Variants in GRIA1 observed in about 807,000 individuals in gnomAD.
GRIA1 encodes glutamate ionotropic receptor AMPA type subunit 1.
Under a neutral mutation model 99.2 loss-of-function variants are expected in GRIA1, and 31 were observed. The ratio of observed to expected loss-of-function variants is 0.31; its 90% CI spans 0.23 to 0.42. The LOEUF (loss-of-function observed/expected upper bound fraction) is 0.42. GRIA1 is among the 10% of genes least tolerant of loss of function. The probability of loss-of-function intolerance (pLI) is 1.00; values close to 1 mark genes in which losing one functional copy is unlikely to be tolerated. For synonymous variants in GRIA1, 438 were observed against 432.4 expected (o/e 1.01, Z -0.16); for missense variants, 782 against 1,157.5 (o/e 0.68, Z 4.71).
At chr5:153,622,835 A>G (rs955113073) in intron 2 of GRIA1, among the ~76,000 whole-genome samples, 1 of 152,200 alleles carries the variant, frequency 6.6e-6, no homozygotes, top group Non-Finnish European at 1.5e-5. Context: ...CTCACACTTC[A>G]ATGAAGGGAA....
At chr5:153,613,081 G>A (rs754000630) in intron 2 of GRIA1, among the ~76,000 whole-genome samples, 29 of 152,198 alleles carry the variant, frequency 1.9e-4, no homozygotes, top group Admixed American at 6.5e-4. Flanking sequence ...TCTTGGAGTC[G>A]GTCCTTTTTG....
At chr5:153,597,934 C>T (rs1764565596) in intron 2 of GRIA1, among the ~76,000 whole-genome samples, 1 of 152,000 alleles carries the variant, frequency 6.6e-6, no homozygotes, top group Non-Finnish European at 1.5e-5. Flanking sequence ...ATTGCTTGAG[C>T]CTAGGAGGTC....
chr5:153,538,977 A>T (rs1758830603), intron 2 of GRIA1, among the ~76,000 whole-genome samples: 1 of 152,054 alleles, frequency 6.6e-6, no homozygotes, highest in Non-Finnish European at 1.5e-5. Context: ...TTCTTGAATT[A>T]TTTTCTGTCA....
intron 11 of GRIA1, among the ~76,000 whole-genome samples, chr5:153,721,129 A>G (rs1440562926): frequency 2.0e-5 from 3 of 152,184 alleles, no homozygotes; most frequent in African/African-American, 7.2e-5. Context: ...ATTTTACCAT[A>G]TATGTTACAA....
chr5:153,694,989 GAA>G (rs35041796), intron 8 of GRIA1, among the ~76,000 whole-genome samples: 2 of 146,380 alleles, frequency 1.4e-5, no homozygotes, highest in Non-Finnish European at 3.0e-5. Flanking sequence ...AAAGGGAAAA[GAA>G]AAAAAAAACC....
intron 3 of GRIA1, 39 bp from the exon 4 acceptor site, chr5:153,650,291 G>T: frequency 6.9e-7 from 1 of 1,452,354 alleles, no homozygotes. Flanking sequence ...CACAAATCCT[G>T]ACTGTCTGTC....
intron 2 of GRIA1, among the ~76,000 whole-genome samples, chr5:153,500,654 C>CAT (rs1754928492): frequency 1.6e-5 from 2 of 125,744 alleles, no homozygotes; most frequent in Non-Finnish European, 3.4e-5. Context: ...CACACACACA[C>CAT]ATTCAGAGGA....
chr5:153,686,018 G>T (rs1170992724), intron 7 of GRIA1, among the ~76,000 whole-genome samples: 1 of 152,184 alleles, frequency 6.6e-6, no homozygotes, highest in Non-Finnish European at 1.5e-5. Flanking sequence ...AAAAACAATT[G>T]TCAGGATGAA....
intron 5 of GRIA1, among the ~76,000 whole-genome samples, chr5:153,661,096 TG>T (rs1755338261): frequency 6.6e-6 from 1 of 152,214 alleles, no homozygotes; most frequent in Admixed American, 6.5e-5. Context: ...GAGCAGAAAC[TG>T]TTCTTTAGTC....
intron 2 of GRIA1, among the ~76,000 whole-genome samples, chr5:153,501,421 G>A (rs1299416892): frequency 2.0e-5 from 3 of 152,184 alleles, no homozygotes; most frequent in Admixed American, 2.0e-4. Context: ...GCTGAGGACT[G>A]AAGGCTTTGG....
chr5:153,808,118 C>T (rs2149680137), intron 15 of GRIA1, among the ~76,000 whole-genome samples: 1 of 152,330 alleles, frequency 6.6e-6, no homozygotes, highest in South Asian at 2.1e-4. Context: ...AGAGGCTGAG[C>T]ACTCTCTTCT....
chr5:153,517,592 C>G (rs951356401), intron 2 of GRIA1, among the ~76,000 whole-genome samples: 1 of 152,160 alleles, frequency 6.6e-6, no homozygotes, highest in East Asian at 1.9e-4. Context: ...GCTGGAGATG[C>G]GTTCACTAAT....
intron 2 of GRIA1, among the ~76,000 whole-genome samples, chr5:153,575,863 G>C (rs573828539): frequency 6.6e-6 from 1 of 152,184 alleles, no homozygotes; most frequent in African/African-American, 2.4e-5. Context: ...AGTTAGACAA[G>C]GGAGTGATGG....
At chr5:153,492,215 A>G (rs1427171806) in intron 1 of GRIA1, 1 of 1,532,350 alleles carries the variant, frequency 6.5e-7, no homozygotes, top group East Asian at 2.4e-5. Context: ...TGCAGTACCC[A>G]TCTCTTTCAG....
intron 5 of GRIA1, among the ~76,000 whole-genome samples, chr5:153,661,017 T>A (rs1258498474): frequency 6.6e-6 from 1 of 152,106 alleles, no homozygotes; most frequent in Non-Finnish European, 1.5e-5. Context: ...AGATTGGAAG[T>A]TTTAGTCTAT....
chr5:153,661,948 T>A (rs895527110), intron 5 of GRIA1, among the ~76,000 whole-genome samples: 1 of 152,132 alleles, frequency 6.6e-6, no homozygotes, highest in African/African-American at 2.4e-5. Context: ...GATGGAAAAG[T>A]CCTACCTCTG....
In GRIA1 at chr5:153,694,417, G is replaced by A. The variant is rs531918703; in HGVS notation, c.1135-3627G>A. 5.9e-5 allele frequency among the ~76,000 whole-genome samples: 9 copies of A among 152,276 alleles called. No individual in the cohort carries two copies. The South Asian group carries it at 1.7e-3, about 28-fold the overall frequency. The stretch of plus-strand genomic sequence containing the variant: ...AATGCATGCTTCTTTTGCAGATAAT[G>A]TTCAACAGCAAATTGAAAACAGAAA... On this transcript the variant is annotated intron_variant, in intron 8 of 15. Coordinates refer to ENST00000285900, the MANE Select transcript of GRIA1 (RefSeq NM_000827.4).
intron 2 of GRIA1, among the ~76,000 whole-genome samples, chr5:153,558,577 T>A (rs1760852854): frequency 6.6e-6 from 1 of 152,110 alleles, no homozygotes; most frequent in South Asian, 2.1e-4. Context: ...CTTGTTCCTT[T>A]TTATTGCTGA....
At position 153,608,407 on chromosome 5, in the gene GRIA1, A is replaced by G. The variant is rs557889686; in HGVS notation, c.221-38521A>G. Among the ~76,000 whole-genome samples the G allele has an allele frequency of 1.4e-4, 21 of 152,252 alleles. No individual in the cohort carries two copies. In the South Asian group the frequency reaches 4.2e-3, roughly 30 times the overall value. On this transcript the variant is annotated intron_variant, in intron 2 of 15. Coordinates refer to ENST00000285900, the MANE Select transcript of GRIA1 (RefSeq NM_000827.4). Reference sequence around the variant, plus strand: ...CAATGATGTTAAGGTGTTTCACTGTAACCCACATTCTTTTCCATATTTTCT... The same window carrying G: ...CAATGATGTTAAGGTGTTTCACTGTGACCCACATTCTTTTCCATATTTTCT...
Sources: allele counts gnomAD v4.1 joint callset (sites outside exome capture counted in the v4.1 genomes callset), GRCh38; gene constraint gnomAD v4.1.1; transcripts MANE v1.5; gene names NCBI Gene and HGNC (gene_info 2026-07-23, HGNC 2026-07-21).